Variants in IPCEF1 observed in about 807,000 individuals in gnomAD.
The protein encoded by IPCEF1 is interactor protein for cytohesin exchange factors 1.
IPCEF1 carries 31 observed loss-of-function variants against 50.9 expected under a neutral mutation model. The ratio of observed to expected loss-of-function variants is 0.61; its 90% CI spans 0.46 to 0.82. The LOEUF (loss-of-function observed/expected upper bound fraction) is 0.82, where lower values mean the gene tolerates loss of function less well. Ranked by LOEUF, IPCEF1 falls within the 40% of genes least tolerant of loss-of-function variation. The pLI, the probability that IPCEF1 is intolerant of heterozygous loss-of-function variation, is 0.00. For missense variants in IPCEF1, 458 were observed against 514.0 expected (o/e 0.89, Z 1.05); for synonymous variants, 181 against 192.0 (o/e 0.94, Z 0.47).
At chr6:154,279,700 A>G (rs747098811) in intron 2 of IPCEF1, among the ~76,000 whole-genome samples, 3 of 152,242 alleles carry the variant, frequency 2.0e-5, no homozygotes, top group Non-Finnish European at 4.4e-5. Context: ...CCATTCATCA[A>G]AAGACAACCT....
At chr6:154,283,367 C>A (rs965258512) in intron 2 of IPCEF1, among the ~76,000 whole-genome samples, 3 of 147,238 alleles carry the variant, frequency 2.0e-5, no homozygotes, top group Non-Finnish European at 4.5e-5. Flanking sequence ...GAGGCCGAGG[C>A]GGGTAGATCA....
chr6:154,277,778 A>C (rs1309343524), intron 2 of IPCEF1, among the ~76,000 whole-genome samples: 1 of 151,896 alleles, frequency 6.6e-6, no homozygotes, highest in Non-Finnish European at 1.5e-5. Context: ...TTTTGTTTCC[A>C]TTCCTTTATA....
At chr6:154,311,805 A>G (rs140694245) in intron 1 of IPCEF1, among the ~76,000 whole-genome samples, 1 of 152,338 alleles carries the variant, frequency 6.6e-6, no homozygotes, top group East Asian at 1.9e-4. Flanking sequence ...AGTGTTGGTG[A>G]AGATGCGTAG....
intron 3 of IPCEF1, among the ~76,000 whole-genome samples, chr6:154,264,296 T>C (rs1781696093): frequency 6.6e-6 from 1 of 151,808 alleles, no homozygotes; most frequent in Non-Finnish European, 1.5e-5. Flanking sequence ...TTCAGGCCTG[T>C]GTGTGCTGGT....
At chr6:154,312,907 T>A (rs1783114735) in intron 1 of IPCEF1, among the ~76,000 whole-genome samples, 1 of 149,172 alleles carries the variant, frequency 6.7e-6, no homozygotes, top group African/African-American at 2.6e-5. Context: ...TTAAGATGAA[T>A]AAATAAAAAA....
intron 7 of IPCEF1, among the ~76,000 whole-genome samples, chr6:154,219,811 T>G (rs1778707101): frequency 6.6e-6 from 1 of 152,152 alleles, no homozygotes; most frequent in South Asian, 2.1e-4. Context: ...CAAAGCTTTG[T>G]TTGGAAGACT....
chr6:154,211,534 T>G (rs1777965955), intron 9 of IPCEF1, among the ~76,000 whole-genome samples: 1 of 152,264 alleles, frequency 6.6e-6, no homozygotes, highest in East Asian at 1.9e-4. Flanking sequence ...CTCAGTTTCC[T>G]TAACCATGAA....
intron 8 of IPCEF1, chr6:154,213,204 A>T (rs1245359453): frequency 4.0e-6 from 1 of 251,604 alleles, no homozygotes; most frequent in East Asian, 8.9e-5. Flanking sequence ...TAATGAATTG[A>T]AACTGGCAGG....
Position 154,340,884 on chromosome 6 carries a change from C to CAAA in IPCEF1, c.-62+15785_-62+15787dup, listed in dbSNP as rs59726979. Among the ~76,000 whole-genome samples, 556 of 128,620 alleles carry CAAA rather than the reference C, an allele frequency of 4.3e-3. 5 individuals carry two copies. Among genetic ancestry groups the CAAA allele is most frequent in the African/African-American group, 0.013 (453 of 34,606 alleles). The allele number at this position is 128,620 out of a possible 152,430, so 84.4% of individuals were successfully genotyped here. A position where few individuals can be genotyped will look rare whatever the true frequency, so the allele number is the denominator to read the frequency against. Reference sequence around the variant, plus strand: ...GGGCAACAAGAGCAAAACTCCGTCTCAAAAAAAAAAAAAGAAATATATATA... The same window carrying CAAA: ...GGGCAACAAGAGCAAAACTCCGTCTCAAAAAAAAAAAAAAAAGAAATATATATA... On this transcript the variant is annotated intron_variant, in intron 1 of 11. Transcript: ENST00000367220.
intron 10 of IPCEF1, among the ~76,000 whole-genome samples, chr6:154,180,884 A>G (rs1800813300): frequency 6.6e-6 from 1 of 152,196 alleles, no homozygotes; most frequent in South Asian, 2.1e-4. Flanking sequence ...AACACTTGGA[A>G]AAATTTAGGT....
chr6:154,295,473 AAC>A (rs72003797), intron 1 of IPCEF1, among the ~76,000 whole-genome samples: 101,624 of 151,306 alleles, frequency 0.67, 35,312 homozygotes, highest in African/African-American at 0.85. Flanking sequence ...CCCCACCACC[AAC>A]ACACACACAC....
At chr6:154,218,131 T>C (rs1347430179) in intron 7 of IPCEF1, among the ~76,000 whole-genome samples, 1 of 152,222 alleles carries the variant, frequency 6.6e-6, no homozygotes, top group Non-Finnish European at 1.5e-5. Flanking sequence ...TATCTGTGGC[T>C]AAGTAGATGG....
chr6:154,225,592 G>T (rs1394913414), intron 5 of IPCEF1, among the ~76,000 whole-genome samples: 3 of 152,222 alleles, frequency 2.0e-5, no homozygotes, highest in Non-Finnish European at 4.4e-5. Flanking sequence ...GTCCCAGGCA[G>T]TAGGAAATAG....
Position 154,197,079 on chromosome 6 carries a change from AGACTGG to A in IPCEF1, c.910+2583_910+2588del, listed in dbSNP as rs1776678729. 3.9e-5 allele frequency among the ~76,000 whole-genome samples: 6 copies of A among 152,332 alleles called. No homozygotes were observed. The South Asian group carries it at 1.0e-3, about 26-fold the overall frequency. The stretch of plus-strand genomic sequence containing the variant: ...CTCTTCTTCCAGCAAATGCATCCTG[AGACTGG>A]GACTTAATCTTTTAAAATCCTAGCT... On this transcript the variant is annotated intron_variant, in intron 10 of 11. Transcript: ENST00000367220.
At position 154,213,950 on chromosome 6, in the gene IPCEF1, G is replaced by A. The variant is rs142099716; in HGVS notation, c.451+268C>T. On this transcript the variant is annotated intron_variant, in intron 8 of 11. Coordinates refer to ENST00000367220, the MANE Select transcript of IPCEF1 (RefSeq NM_001130700.2). The stretch of plus-strand genomic sequence containing the variant: ...AGTGGAGCAATTAAACATTTGCATC[G>A]GTGACTGTTTGAGATGTCATGAAGC... Among the ~76,000 whole-genome samples, 230 of 152,286 alleles carry A rather than the reference G, an allele frequency of 1.5e-3. 4 individuals are homozygous for A. The highest frequency in any genetic ancestry group is 0.014 in the Admixed American group (220 of 15,296).
chr6:154,166,959 T>C (rs569266817), intron 11 of IPCEF1, among the ~76,000 whole-genome samples: 2 of 152,340 alleles, frequency 1.3e-5, no homozygotes, highest in South Asian at 4.1e-4. Context: ...AAATTTACTT[T>C]CTTTTTCCAT....
chr6:154,283,119 C>A (rs1782265336), intron 2 of IPCEF1, among the ~76,000 whole-genome samples: 1 of 151,514 alleles, frequency 6.6e-6, no homozygotes, highest in African/African-American at 2.4e-5. Context: ...CATGGTGAAA[C>A]CCCATCTCTA....
At chr6:154,271,248 T>C (rs1183155383) in intron 2 of IPCEF1, among the ~76,000 whole-genome samples, 1 of 151,266 alleles carries the variant, frequency 6.6e-6, no homozygotes, top group Admixed American at 6.6e-5. Flanking sequence ...GGCAGGCATA[T>C]GTAGTTGGGA....
chr6:154,234,794 T>A (rs1779984660), intron 5 of IPCEF1, among the ~76,000 whole-genome samples: 3 of 152,356 alleles, frequency 2.0e-5, no homozygotes, highest in South Asian at 2.1e-4. Context: ...CTAGTGAACT[T>A]TCAGGTAGTC....
Sources: allele counts gnomAD v4.1 joint callset (sites outside exome capture counted in the v4.1 genomes callset), GRCh38; gene constraint gnomAD v4.1.1; transcripts MANE v1.5; gene names NCBI Gene and HGNC (gene_info 2026-07-23, HGNC 2026-07-21).